The following TLR5 variants were observed in gnomAD, a reference collection of about 807,000 sequenced individuals.
TLR5 encodes toll-like receptor 5.
For missense variants in TLR5, 944 were observed against 999.8 expected (o/e 0.94, Z 0.75); for synonymous variants, 373 against 384.4 (o/e 0.97, Z 0.35).
chr1:223,136,525 C>T (rs1202250077), intron 3 of TLR5, among the ~76,000 whole-genome samples: 1 of 152,124 alleles, frequency 6.6e-6, no homozygotes, highest in East Asian at 1.9e-4. Context: ...CACTCACTAC[C>T]CTTTTGGTTC....
In TLR5 at chr1:223,110,543, TGAAGAA is replaced by T. The variant is rs745497741; in HGVS notation, c.2483_2488del (p.Phe828_His830delinsTyr). The T allele has an allele frequency of 6.2e-7, 1 of 1,614,220 alleles. No individual in the cohort carries two copies. The highest frequency in any genetic ancestry group is 8.5e-7 in the Non-Finnish European group (1 of 1,180,038). Reference sequence around the variant, plus strand: ...CTTTAGTATCTGTTGAGAGAGTTTATGAAGAAACCAGCCAACATCCTGGAGATCCTC... The same window carrying T: ...CTTTAGTATCTGTTGAGAGAGTTTATACCAGCCAACATCCTGGAGATCCTC... On this transcript the variant is annotated inframe_deletion, in exon 6 of 6. Transcript: ENST00000642603.
chr1:223,112,907 G>C lies in TLR5; in HGVS notation c.125C>G (p.Pro42Arg), dbSNP rs1656439316. Residue 42 changes from proline (P) to arginine (R), a missense_variant, in exon 6 of 6, where the codon CCC becomes CGC. Transcript: ENST00000642603. Reference protein sequence around the residue: ...FYRFCNLTQVPQVLNTTERLL... With the variant: ...FYRFCNLTQVRQVLNTTERLL... ...CCTCTCAGTGGTGTTGAGGACCTGGGGGACCTGGGTGAGGTTGCAGAAACG... is the reference window on the plus strand; with the variant it reads ...CCTCTCAGTGGTGTTGAGGACCTGGCGGACCTGGGTGAGGTTGCAGAAACG... 1.2e-6 allele frequency: 2 copies of C among 1,614,076 alleles called. No individual in the cohort carries two copies. The highest frequency in any genetic ancestry group is 1.7e-6 in the Non-Finnish European group (2 of 1,180,044).
chr1:223,141,822 T>TATATATATATAGAG (rs1398290863), intron 1 of TLR5, 59 bp from the exon 2 acceptor site: 1 of 42,992 alleles, frequency 2.3e-5, no homozygotes, highest in African/African-American at 9.4e-5. Context: ...TATATATATA[T>TATATATATATAGAG]AGAGAGAGAG....
At chr1:223,139,050 A>G (rs1216633521) in intron 2 of TLR5, among the ~76,000 whole-genome samples, 1 of 152,262 alleles carries the variant, frequency 6.6e-6, no homozygotes, top group Non-Finnish European at 1.5e-5. Flanking sequence ...GCCTTCCACA[A>G]TGATTGTGAG....
At chr1:223,116,330 C>A (rs1656644238) in intron 5 of TLR5, among the ~76,000 whole-genome samples, 1 of 152,082 alleles carries the variant, frequency 6.6e-6, no homozygotes, top group African/African-American at 2.4e-5. Context: ...CATGGCCTCG[C>A]TGGCTTCAGG....
intron 5 of TLR5, among the ~76,000 whole-genome samples, chr1:223,129,838 G>T (rs1279548738): frequency 6.6e-6 from 1 of 152,202 alleles, no homozygotes; most frequent in African/African-American, 2.4e-5. Flanking sequence ...ACTAACTACT[G>T]TTCTCTAAAG....
intron 5 of TLR5, among the ~76,000 whole-genome samples, chr1:223,116,389 G>A (rs776704302): frequency 5.9e-5 from 9 of 152,146 alleles, no homozygotes; most frequent in East Asian, 1.9e-4. Flanking sequence ...TTAAGGTGGC[G>A]CGTCTGGAGT....
chr1:223,140,893 T>C (rs183428647), intron 2 of TLR5, among the ~76,000 whole-genome samples: 1 of 152,346 alleles, frequency 6.6e-6, no homozygotes, highest in African/African-American at 2.4e-5. Context: ...TCACAGGTGC[T>C]GGTTTTGTCT....
chr1:223,140,013 G>A (rs1158227539), intron 2 of TLR5, among the ~76,000 whole-genome samples: 1 of 152,184 alleles, frequency 6.6e-6, no homozygotes, highest in Non-Finnish European at 1.5e-5. Flanking sequence ...CAGTGAGTGA[G>A]TCAAAGATCC....
Position 223,112,071 on chromosome 1 carries a change from A to T in TLR5, c.961T>A (p.Tyr321Asn). The change falls in exon 6 of 6, where the codon TAC (tyrosine) becomes AAC (asparagine). Residue 321 changes from tyrosine (Y) to asparagine (N), a missense_variant. Physicochemically the swap from Tyr to Asn is moderately radical, Grantham distance 143. Coordinates refer to ENST00000642603, the MANE Select transcript of TLR5 (RefSeq NM_003268.6). ...LKDLKVLNLA[Y>N]NKINKIADEA... Reference sequence around the variant, plus strand: ...TCTGCAATCTTATTTATCTTGTTGTAGGCAAGGTTCAGAACCTTCAAATCC... The same window carrying T: ...TCTGCAATCTTATTTATCTTGTTGTTGGCAAGGTTCAGAACCTTCAAATCC... 6.2e-7 allele frequency: 1 copy of T among 1,614,224 alleles called. No individual in the cohort carries two copies. Among genetic ancestry groups the T allele is most frequent in the Non-Finnish European group, 8.5e-7 (1 of 1,180,038 alleles).
intron 2 of TLR5, among the ~76,000 whole-genome samples, chr1:223,139,594 C>T (rs1290540524): frequency 1.3e-5 from 2 of 152,080 alleles, no homozygotes; most frequent in Non-Finnish European, 2.9e-5. Context: ...GAAGAGAGAG[C>T]CTAGGCCTGG....
chr1:223,135,158 C>T (rs546365767), intron 3 of TLR5, among the ~76,000 whole-genome samples: 7 of 152,216 alleles, frequency 4.6e-5, no homozygotes, highest in African/African-American at 1.4e-4. Flanking sequence ...GCAAGGTAAG[C>T]CCTGAAGAGG....
intron 5 of TLR5, chr1:223,127,833 C>G (rs932242405): frequency 2.6e-5 from 4 of 152,346 alleles, no homozygotes; most frequent in Admixed American, 6.5e-5. Flanking sequence ...CTCTCCTCAA[C>G]AGGAGTCCCT....
At chr1:223,116,854 A>G (rs1656679952) in intron 5 of TLR5, among the ~76,000 whole-genome samples, 1 of 152,168 alleles carries the variant, frequency 6.6e-6, no homozygotes, top group South Asian at 2.1e-4. Context: ...CCTAGACATA[A>G]AAGTTCTCCA....
At chr1:223,125,970 A>C (rs371282926) in intron 5 of TLR5, among the ~76,000 whole-genome samples, 105 of 152,346 alleles carry the variant, frequency 6.9e-4, no homozygotes, top group African/African-American at 2.4e-3. Flanking sequence ...ACACAGAACT[A>C]ACTGTCGCAT....
chr1:223,141,784 CAT>C (rs142700046), intron 1 of TLR5, 21 bp from the exon 2 acceptor site: 1,479 of 74,700 alleles, frequency 0.02, 13 homozygotes, highest in Non-Finnish European at 0.028. Flanking sequence ...AAAAAAATTA[CAT>C]ATATATATAT....
chr1:223,118,177 G>A (rs1656771685), intron 5 of TLR5, among the ~76,000 whole-genome samples: 1 of 152,194 alleles, frequency 6.6e-6, no homozygotes, highest in African/African-American at 2.4e-5. Context: ...AGAAGCATGA[G>A]ACAACTGGAG....
intron 2 of TLR5, among the ~76,000 whole-genome samples, chr1:223,140,546 CAA>C (rs11388643): frequency 9.0e-5 from 11 of 122,586 alleles, no homozygotes; most frequent in East Asian, 2.3e-4. Flanking sequence ...GACTCTGTCT[CAA>C]AAAAAAAAAA....
In TLR5 at chr1:223,137,251, C is replaced by T. The variant is rs926152886; in HGVS notation, c.-426G>A. On this transcript the variant is annotated 5_prime_UTR_variant, in exon 3 of 6. An upstream start codon of the reference 5' UTR is lost. Transcript: ENST00000642603. ...ATGAATCTTGTAGTAGTGTCAGGAACATGAACATCAATCTATGGTAAAATA... is the reference window on the plus strand; with the variant it reads ...ATGAATCTTGTAGTAGTGTCAGGAATATGAACATCAATCTATGGTAAAATA... 5 of 152,178 alleles carry T rather than the reference C, an allele frequency of 3.3e-5. No homozygotes were observed. Among genetic ancestry groups the T allele is most frequent in the African/African-American group, 9.7e-5 (4 of 41,434 alleles). 9.4% of individuals were successfully genotyped at this position (152,178 alleles called of 1,614,324 possible).
Sources: gnomAD v4.1 joint callset for allele counts (sites outside exome capture counted in the v4.1 genomes callset) on GRCh38, gnomAD v4.1.1 for gene constraint, MANE v1.5 for transcripts, NCBI Gene and HGNC (gene_info 2026-07-23, HGNC 2026-07-21) for gene names.